RGS17: variants seen among roughly 807,000 people sequenced by gnomAD.
RGS17 encodes regulator of G-protein signaling 17.
RGS17 carries 12 observed loss-of-function variants against 25.5 expected under a neutral mutation model. The ratio of observed to expected loss-of-function variants is 0.47; its 90% CI spans 0.30 to 0.76. The LOEUF is 0.76. Ranked by LOEUF, RGS17 falls within the 30% of genes least tolerant of loss-of-function variation. The pLI, the probability that RGS17 is intolerant of heterozygous loss-of-function variation, is 0.07. For missense variants in RGS17, 196 were observed against 242.2 expected, an observed-to-expected ratio of 0.81 and a Z score of 1.27; for synonymous variants, 71 against 76.9, an observed-to-expected ratio of 0.92 and a Z score of 0.40.
intron 2 of RGS17, among the ~76,000 whole-genome samples, chr6:153,028,703 T>C (rs1426060795): frequency 6.6e-6 from 1 of 152,186 alleles, no homozygotes; most frequent in Admixed American, 6.5e-5. Flanking sequence ...AAATAGGAAA[T>C]TGATACTCAT....
intron 1 of RGS17, among the ~76,000 whole-genome samples, chr6:153,101,789 T>TCA (rs1777306852): frequency 2.9e-5 from 1 of 34,054 alleles, no homozygotes; most frequent in Admixed American, 2.2e-4. Flanking sequence ...ACTTCCCCCT[T>TCA]CACTCTCTCT....
chr6:153,063,790 G>T lies in RGS17; in HGVS notation c.-25-19747C>A, dbSNP rs34258543. 3.9e-5 allele frequency among the ~76,000 whole-genome samples: 6 copies of T among 152,086 alleles called. 1 individual carries two copies. On this transcript the variant is annotated intron_variant, in intron 1 of 4. Transcript: ENST00000206262. The stretch of plus-strand genomic sequence containing the variant: ...TAACCCAAAGAAGATTATCGCAAGG[G>T]ATTTAATAAATAAATTCCCAAAGGT...
chr6:153,104,481 G>T (rs1391173142), intron 1 of RGS17, among the ~76,000 whole-genome samples: 1 of 152,162 alleles, frequency 6.6e-6, no homozygotes, highest in South Asian at 2.1e-4. Flanking sequence ...CCAGCTCCCA[G>T]ATCTGAAATT....
At chr6:153,093,847 T>C (rs1777167554) in intron 1 of RGS17, among the ~76,000 whole-genome samples, 1 of 152,168 alleles carries the variant, frequency 6.6e-6, no homozygotes, top group Non-Finnish European at 1.5e-5. Context: ...CTACCTATAC[T>C]AAATCCCTGG....
At chr6:153,038,923 C>T (rs1006269062) in intron 2 of RGS17, among the ~76,000 whole-genome samples, 8 of 152,184 alleles carry the variant, frequency 5.3e-5, no homozygotes, top group Non-Finnish European at 1.2e-4. Context: ...CAGTGAGATC[C>T]ATCCCATGGT....
Position 153,009,485 on chromosome 6 carries a change from TTACTC to T in RGS17, c.*2084_*2088del, listed in dbSNP as rs540495395. On this transcript the variant is annotated 3_prime_UTR_variant, in exon 5 of 5. Transcript: ENST00000206262. Reference sequence around the variant, plus strand: ...AGTGATGATTCTTTTAGGTTTTTCTTTACTCTTTAGGAAAAAATATGACTTTTTGT... The same window carrying T: ...AGTGATGATTCTTTTAGGTTTTTCTTTTTAGGAAAAAATATGACTTTTTGT... 2.0e-5 allele frequency: 3 copies of T among 152,022 alleles called. No homozygotes were observed. The highest frequency in any genetic ancestry group is 1.9e-4 in the East Asian group (1 of 5,200). 9.4% of individuals were successfully genotyped at this position (152,022 alleles called of 1,614,324 possible).
chr6:153,100,142 T>C (rs1750266950), intron 1 of RGS17, among the ~76,000 whole-genome samples: 1 of 152,174 alleles, frequency 6.6e-6, no homozygotes, highest in Admixed American at 6.6e-5. Flanking sequence ...CTACATACCC[T>C]GGGCATTCTG....
At chr6:153,025,701 CAT>C (rs34917398) in intron 3 of RGS17, among the ~76,000 whole-genome samples, 61,744 of 144,298 alleles carry the variant, frequency 0.43, 13,288 homozygotes, top group South Asian at 0.54. Flanking sequence ...TATATAAAAA[CAT>C]ATATATATAA....
chr6:153,111,715 C>A (rs543716144), intron 1 of RGS17, among the ~76,000 whole-genome samples: 1 of 152,274 alleles, frequency 6.6e-6, no homozygotes, highest in East Asian at 1.9e-4. Context: ...CTGGTGGGTG[C>A]CCCTCTGGGA....
chr6:153,052,002 C>G (rs1430720849), intron 1 of RGS17, among the ~76,000 whole-genome samples: 1 of 152,166 alleles, frequency 6.6e-6, no homozygotes, highest in Non-Finnish European at 1.5e-5. Flanking sequence ...CAAACATGAT[C>G]TATTCTTAAA....
intron 2 of RGS17, among the ~76,000 whole-genome samples, chr6:153,039,027 C>G (rs566271658): frequency 3.9e-5 from 6 of 152,282 alleles, no homozygotes. Flanking sequence ...TGACCAATTT[C>G]TCTTGAGAAG....
intron 4 of RGS17, among the ~76,000 whole-genome samples, chr6:153,013,192 T>C (rs1220281695): frequency 6.6e-6 from 1 of 152,254 alleles, no homozygotes; most frequent in East Asian, 1.9e-4. Flanking sequence ...GTGTCACATT[T>C]TGGTAGTTCC....
chr6:153,088,122 A>AG (rs1292623511), intron 1 of RGS17, among the ~76,000 whole-genome samples: 1 of 152,204 alleles, frequency 6.6e-6, no homozygotes, highest in African/African-American at 2.4e-5. Context: ...AGGGTGGACT[A>AG]GGGGTCTCCT....
intron 1 of RGS17, among the ~76,000 whole-genome samples, chr6:153,106,146 G>A (rs1348612036): frequency 6.6e-6 from 1 of 152,040 alleles, no homozygotes; most frequent in African/African-American, 2.4e-5. Context: ...TGGGGACTGT[G>A]TAGAAGCCAC....
rs56335714 is a variant in RGS17 at position 153,070,708 on chromosome 6, C to T, written c.-25-26665G>A. Among the ~76,000 whole-genome samples, 738 of 126,006 alleles carry T rather than the reference C, an allele frequency of 5.9e-3. 4 individuals are homozygous for T. Among genetic ancestry groups the T allele is most frequent in the African/African-American group, 0.021 (692 of 32,710 alleles). 82.7% of individuals were successfully genotyped at this position (126,006 alleles called of 152,430 possible). A position where few individuals can be genotyped will look rare whatever the true frequency, so the allele number is the denominator to read the frequency against. ...GTGTGTGTGTGTGTGTGTGTATATA[C>T]ATATATATATACACATATACATATA... On this transcript the variant is annotated intron_variant, in intron 1 of 4. Coordinates refer to ENST00000206262, the MANE Select transcript of RGS17 (RefSeq NM_012419.5).
In RGS17 at chr6:153,054,016, ATG is replaced by A. The variant is rs1235467598; in HGVS notation, c.-25-9975_-25-9974del. 1.4e-4 allele frequency among the ~76,000 whole-genome samples: 5 copies of A among 34,540 alleles called. 1 individual carries two copies. Among genetic ancestry groups the A allele is most frequent in the East Asian group, 8.8e-4 (1 of 1,134 alleles). 22.7% of individuals were successfully genotyped at this position (34,540 alleles called of 152,430 possible). ...AATATATATACATATATACGTATAT[ATG>A]TATATAATATATATACATATATATG... On this transcript the variant is annotated intron_variant, in intron 1 of 4. Coordinates refer to ENST00000206262, the MANE Select transcript of RGS17 (RefSeq NM_012419.5).
At position 153,089,467 on chromosome 6, in the gene RGS17, T is replaced by C. The variant is rs1045649199; in HGVS notation, c.-26+41657A>G. Among the ~76,000 whole-genome samples the C allele has an allele frequency of 1.2e-4, 19 of 152,190 alleles. 3 individuals are homozygous for C. The highest frequency in any genetic ancestry group is 1.2e-3 in the Admixed American group (18 of 15,268). Reference sequence around the variant, plus strand: ...GCAGTCAAAATGAACAATTAGGAAGTGGTCCAGTCATTTAGTGAATGTTGC... The same window carrying C: ...GCAGTCAAAATGAACAATTAGGAAGCGGTCCAGTCATTTAGTGAATGTTGC... On this transcript the variant is annotated intron_variant, in intron 1 of 4. Transcript: ENST00000206262.
intron 1 of RGS17, among the ~76,000 whole-genome samples, chr6:153,090,486 G>A (rs1777112549): frequency 6.6e-6 from 1 of 151,250 alleles, no homozygotes; most frequent in Non-Finnish European, 1.5e-5. Flanking sequence ...AGCCGTGGTG[G>A]CACACCCCTG....
chr6:153,067,656 AAGAGG>A (rs1188194488), intron 1 of RGS17, among the ~76,000 whole-genome samples: 116 of 152,310 alleles, frequency 7.6e-4, no homozygotes, highest in African/African-American at 2.6e-3. Context: ...AAATAAATTG[AAGAGG>A]ACACCAAAAA....
Sources: gnomAD v4.1 joint callset for allele counts (sites outside exome capture counted in the v4.1 genomes callset) on GRCh38, gnomAD v4.1.1 for gene constraint, MANE v1.5 for transcripts, NCBI Gene and HGNC (gene_info 2026-07-23, HGNC 2026-07-21) for gene names.